Variants in EYA1 observed in about 807,000 individuals in gnomAD.
EYA1 encodes the protein EYA transcriptional coactivator and phosphatase 1.
In EYA1, 16 loss-of-function variants were observed where a neutral mutation model predicts 82.0. The observed-to-expected ratio is 0.20, with a 90% CI of 0.13 to 0.30. EYA1 has a LOEUF of 0.30. Among genes scored for constraint, EYA1 ranks in the 10% least tolerant of loss-of-function variants. EYA1 has a pLI of 1.00. For missense variants in EYA1, 633 were observed against 730.7 expected (o/e 0.87, Z 1.54); for synonymous variants, 261 against 264.4 (o/e 0.99, Z 0.12).
At chr8:71,498,616 C>T (rs953483920) in intron 2 of EYA1, among the ~76,000 whole-genome samples, 1 of 152,130 alleles carries the variant, frequency 6.6e-6, no homozygotes, top group Non-Finnish European at 1.5e-5. Flanking sequence ...GCCAAGGGCC[C>T]TCACAGGACC....
chr8:71,493,315 C>T (rs1811156823), intron 2 of EYA1, among the ~76,000 whole-genome samples: 1 of 152,190 alleles, frequency 6.6e-6, no homozygotes, highest in South Asian at 2.1e-4. Context: ...CAAGTATTAT[C>T]TTGTTCTTTC....
chr8:71,450,002 A>G (rs1347277669), intron 2 of EYA1, among the ~76,000 whole-genome samples: 5 of 152,218 alleles, frequency 3.3e-5, no homozygotes, highest in Non-Finnish European at 5.9e-5. Context: ...GTCTTCAGAT[A>G]ATTGAAGAGA....
intron 2 of EYA1, among the ~76,000 whole-genome samples, chr8:71,412,759 C>T (rs1049985237): frequency 6.6e-6 from 1 of 152,158 alleles, no homozygotes; most frequent in African/African-American, 2.4e-5. Flanking sequence ...CAGGAATGAC[C>T]AACGTGGCCA....
chr8:71,366,371 T>C (rs896352509), upstream of EYA1, among the ~76,000 whole-genome samples: 4 of 152,212 alleles, frequency 2.6e-5, no homozygotes, highest in African/African-American at 9.6e-5. Context: ...AAATAATTGG[T>C]CCTGGAAGCA....
intron 12 of EYA1, among the ~76,000 whole-genome samples, chr8:71,236,044 CTT>C (rs869052586): frequency 6.6e-6 from 1 of 152,014 alleles, no homozygotes; most frequent in African/African-American, 2.4e-5. Context: ...AAATTTTACT[CTT>C]TATTTTATTT....
At chr8:71,296,550 CATAAG>C (rs1344640780) in intron 9 of EYA1, among the ~76,000 whole-genome samples, 1 of 150,204 alleles carries the variant, frequency 6.7e-6, no homozygotes, top group Admixed American at 6.6e-5. Context: ...CCAGGTCATA[CATAAG>C]ATAAGAAAAT....
intron 2 of EYA1, among the ~76,000 whole-genome samples, chr8:71,510,044 A>T (rs1812479499): frequency 6.6e-6 from 1 of 150,580 alleles, no homozygotes; most frequent in South Asian, 2.1e-4. Context: ...ATTATTTATT[A>T]TTTTAATATA....
At chr8:71,507,232 A>G (rs1247567585) in intron 2 of EYA1, among the ~76,000 whole-genome samples, 1 of 152,182 alleles carries the variant, frequency 6.6e-6, no homozygotes, top group Non-Finnish European at 1.5e-5. Context: ...AAGTTAAGAC[A>G]TTTGCCCAAG....
intron 2 of EYA1, among the ~76,000 whole-genome samples, chr8:71,474,769 G>A (rs1441566598): frequency 6.6e-6 from 1 of 152,108 alleles, no homozygotes; most frequent in Non-Finnish European, 1.5e-5. Flanking sequence ...TACATGTTTA[G>A]CAACAGGGGA....
chr8:71,216,936 AT>A (rs773637286), intron 13 of EYA1, 28 bp downstream of exon 13: 2 of 1,612,130 alleles, frequency 1.2e-6, no homozygotes, highest in Non-Finnish European at 1.7e-6. Flanking sequence ...TAAAAGGGAG[AT>A]GGTCACTTCA....
chr8:71,445,844 C>T (rs143231309), intron 2 of EYA1, among the ~76,000 whole-genome samples: 3 of 152,262 alleles, frequency 2.0e-5, no homozygotes, highest in South Asian at 2.1e-4. Context: ...TGAGCCACCA[C>T]GCCTGGCTCA....
At chr8:71,449,610 C>G (rs943137444) in intron 2 of EYA1, among the ~76,000 whole-genome samples, 3 of 152,180 alleles carry the variant, frequency 2.0e-5, no homozygotes, top group Admixed American at 6.5e-5. Context: ...TTAGCATCAT[C>G]CTTGAGAGCC....
chr8:71,479,293 T>G (rs1352414367), intron 2 of EYA1, among the ~76,000 whole-genome samples: 1 of 152,218 alleles, frequency 6.6e-6, no homozygotes, highest in African/African-American at 2.4e-5. Flanking sequence ...TCCTTCAAGA[T>G]TTTGCTCAAA....
At chr8:71,325,678 A>C (rs926493304) in intron 4 of EYA1, among the ~76,000 whole-genome samples, 2 of 152,236 alleles carry the variant, frequency 1.3e-5, no homozygotes, top group Non-Finnish European at 2.9e-5. Context: ...AGTATACCTT[A>C]TGAAATAAAT....
intron 6 of EYA1, 32 bp from the exon 7 acceptor site, chr8:71,317,721 T>C (rs760179045): frequency 6.2e-7 from 1 of 1,611,572 alleles, no homozygotes; most frequent in South Asian, 1.1e-5. Context: ...TATCTATCTG[T>C]CCATTTTCAA....
At chr8:71,301,824 C>T (rs1820229572) in intron 7 of EYA1, among the ~76,000 whole-genome samples, 1 of 152,002 alleles carries the variant, frequency 6.6e-6, no homozygotes, top group Non-Finnish European at 1.5e-5. Context: ...ATATTCAATG[C>T]CAGGCTCATG....
At chr8:71,508,034 G>A (rs1311594556) in intron 2 of EYA1, among the ~76,000 whole-genome samples, 1 of 152,190 alleles carries the variant, frequency 6.6e-6, no homozygotes, top group East Asian at 1.9e-4. Flanking sequence ...GGGGTTTAAA[G>A]GTGATGCTCT....
chr8:71,350,243 G>C (rs1826169482), intron 3 of EYA1, among the ~76,000 whole-genome samples: 1 of 151,958 alleles, frequency 6.6e-6, no homozygotes, highest in Non-Finnish European at 1.5e-5. Flanking sequence ...ATACACATTT[G>C]CTCCAGTTTA....
chr8:71,481,128 T>C (rs1470279825), intron 2 of EYA1, among the ~76,000 whole-genome samples: 1 of 152,108 alleles, frequency 6.6e-6, no homozygotes, highest in Admixed American at 6.5e-5. Context: ...TATGCACAAA[T>C]AAAGAAAACA....
Sources: allele counts gnomAD v4.1 joint callset (sites outside exome capture counted in the v4.1 genomes callset), GRCh38; gene constraint gnomAD v4.1.1; transcripts MANE v1.5; gene names NCBI Gene and HGNC (gene_info 2026-07-23, HGNC 2026-07-21).